The following DNAI4 variants were observed in gnomAD, a reference collection of about 807,000 sequenced individuals.
The protein encoded by DNAI4 is dynein axonemal intermediate chain 4.
DNAI4 carries 85 observed loss-of-function variants against 105.8 expected under a neutral mutation model. The ratio of observed to expected loss-of-function variants is 0.80; its 90% CI spans 0.67 to 0.96. The LOEUF (loss-of-function observed/expected upper bound fraction) is 0.96. DNAI4 is among the 40% of genes least tolerant of loss of function. DNAI4 has a pLI of 0.00. For missense variants in DNAI4, 1,014 were observed against 1,005.6 expected (o/e 1.01, Z -0.11); for synonymous variants, 352 against 331.5 (o/e 1.06, Z -0.67).
chr1:66,860,045 A>G (rs1646591679), intron 7 of DNAI4, among the ~76,000 whole-genome samples: 1 of 151,600 alleles, frequency 6.6e-6, no homozygotes. Flanking sequence ...AAATATTAAT[A>G]ATAGGGGCCA....
chr1:66,862,409 T>A, intron 6 of DNAI4, 107 bp from the exon 7 acceptor site: 1 of 1,223,092 alleles, frequency 8.2e-7, no homozygotes, highest in Non-Finnish European at 1.1e-6. Flanking sequence ...TATCTACTAT[T>A]GCCTGATGCA....
rs1488056928 is a variant in DNAI4, at chr1:66,847,513, G to C, written c.1262C>G (p.Ala421Gly). ...TAAAACAGGAAGCTGACGATAAGCTGCAAGTTTGGGCTGAAATATATTTTC... is the reference window on the plus strand; with the variant it reads ...TAAAACAGGAAGCTGACGATAAGCTCCAAGTTTGGGCTGAAATATATTTTC... ...LMENIFQPKL[A>G]AYRQLPVLKE... The change falls in exon 8 of 17, where the codon GCA becomes GGA. Residue 421 changes from alanine to glycine, a missense_variant. Ala to Gly is a moderately conservative substitution (Grantham distance 60). Transcript: ENST00000371026. The C allele has an allele frequency of 6.2e-7, 1 of 1,612,928 alleles. No homozygotes were observed. Among genetic ancestry groups the C allele is most frequent in the African/African-American group, 1.3e-5 (1 of 74,826 alleles).
intron 4 of DNAI4, among the ~76,000 whole-genome samples, chr1:66,878,785 TG>T (rs1194753933): frequency 6.6e-6 from 1 of 152,186 alleles, no homozygotes; most frequent in Non-Finnish European, 1.5e-5. Flanking sequence ...AATCCCAGTA[TG>T]CATGTACAAT....
chr1:66,893,083 A>AAGAAAGAGAG, intron 3 of DNAI4, 146 bp downstream of exon 3: 1 of 392,198 alleles, frequency 2.5e-6, no homozygotes, highest in African/African-American at 2.2e-5. Flanking sequence ...GAAAGAAAGA[A>AAGAAAGAGAG]AGAAAGAAAG....
At chr1:66,821,337 G>A (rs1024150226) in intron 16 of DNAI4, among the ~76,000 whole-genome samples, 2 of 151,984 alleles carry the variant, frequency 1.3e-5, no homozygotes, top group African/African-American at 4.8e-5. Context: ...GACCTCAAGT[G>A]ATGCACCTGC....
At chr1:66,900,388 A>C (rs1372339544) in intron 2 of DNAI4, among the ~76,000 whole-genome samples, 1 of 152,168 alleles carries the variant, frequency 6.6e-6, no homozygotes, top group African/African-American at 2.4e-5. Context: ...GGTGTGAGCC[A>C]CCGCGCCTGG....
chr1:66,834,157 G>A lies in DNAI4; in HGVS notation c.1734-9C>T. ...GTTTTTGAGGTGATTCACTAAAACAGTAAAAAAAATACTAAACATATAATC... is the reference window on the plus strand; with the variant it reads ...GTTTTTGAGGTGATTCACTAAAACAATAAAAAAAATACTAAACATATAATC... On this transcript the variant is annotated splice_polypyrimidine_tract_variant and intron_variant, in intron 11 of 16. Transcript: ENST00000371026. 6.3e-7 allele frequency: 1 copy of A among 1,583,532 alleles called. No individual in the cohort carries two copies. Among genetic ancestry groups the A allele is most frequent in the Non-Finnish European group, 8.6e-7 (1 of 1,168,528 alleles).
chr1:66,876,390 T>C (rs1387266546), intron 4 of DNAI4, among the ~76,000 whole-genome samples: 2 of 152,190 alleles, frequency 1.3e-5, no homozygotes, highest in African/African-American at 4.8e-5. Context: ...AACTTCAAAG[T>C]AACATTGTGG....
At chr1:66,825,177 T>C (rs2100355786) in intron 15 of DNAI4, among the ~76,000 whole-genome samples, 1 of 143,624 alleles carries the variant, frequency 7.0e-6, no homozygotes, top group African/African-American at 2.6e-5. Flanking sequence ...TTTTTTTTTT[T>C]TTTTTTTTTT....
intron 2 of DNAI4, among the ~76,000 whole-genome samples, chr1:66,895,050 TTG>T (rs1648195512): frequency 6.6e-6 from 1 of 152,236 alleles, no homozygotes; most frequent in Non-Finnish European, 1.5e-5. Context: ...ATATCTCCTT[TTG>T]TTTTGGTCCT....
In DNAI4 at chr1:66,813,952, G is replaced by T; in HGVS notation, c.*178C>A. 1.9e-6 allele frequency: 1 copy of T among 525,770 alleles called. No individual in the cohort carries two copies. Among genetic ancestry groups the T allele is most frequent in the Non-Finnish European group, 3.3e-6 (1 of 305,436 alleles). 32.6% of individuals were successfully genotyped at this position (525,770 alleles called of 1,614,324 possible). A position where few individuals can be genotyped will look rare whatever the true frequency, so the allele number is the denominator to read the frequency against. On this transcript the variant is annotated 3_prime_UTR_variant, in exon 17 of 17. Coordinates refer to ENST00000371026, the MANE Select transcript of DNAI4 (RefSeq NM_024763.5). ...CTGAAACTCTTAAGAATAACTCTTA[G>T]ATTGTAAACTAATCAAATATCTCTG...
At chr1:66,915,992 T>G (rs1650040515) in intron 1 of DNAI4, among the ~76,000 whole-genome samples, 1 of 150,578 alleles carries the variant, frequency 6.6e-6, no homozygotes, top group Non-Finnish European at 1.5e-5. Flanking sequence ...TGTGGTGGTG[T>G]GCACCTATAA....
chr1:66,854,558 C>A (rs908934234), intron 7 of DNAI4, among the ~76,000 whole-genome samples: 1 of 152,142 alleles, frequency 6.6e-6, no homozygotes, highest in African/African-American at 2.4e-5. Flanking sequence ...AATCCCAGCA[C>A]TGGGAGGCGG....
Position 66,857,004 on chromosome 1 carries a change from C to T in DNAI4, c.1096+5143G>A, listed in dbSNP as rs556779459. Among the ~76,000 whole-genome samples, 27 of 151,838 alleles carry T rather than the reference C, an allele frequency of 1.8e-4. 1 individual carries two copies. The highest frequency in any genetic ancestry group is 6.3e-4 in the African/African-American group (26 of 41,376). ...GAAATCAATGACATCAAAAACAAAA[C>T]ATCATTAGAGAAAATTAATAAAATC... On this transcript the variant is annotated intron_variant, in intron 7 of 16. Transcript: ENST00000371026.
Position 66,813,353 on chromosome 1 carries a change from T to C in DNAI4, c.*777A>G, listed in dbSNP as rs1366246851. On this transcript the variant is annotated 3_prime_UTR_variant, in exon 17 of 17. Coordinates refer to ENST00000371026, the MANE Select transcript of DNAI4 (RefSeq NM_024763.5). ...ACTGCTCCCCATCTCCACCCCGATT[T>C]CCGCAACCTTGCTCTAGAACTCTTC... 2 of 152,304 alleles carry C rather than the reference T, an allele frequency of 1.3e-5. No individual in the cohort carries two copies. Among genetic ancestry groups the C allele is most frequent in the African/African-American group, 4.8e-5 (2 of 41,414 alleles). The allele number at this position is 152,304 out of a possible 1,614,324, so 9.4% of individuals were successfully genotyped here. A position where few individuals can be genotyped will look rare whatever the true frequency, so the allele number is the denominator to read the frequency against.
intron 7 of DNAI4, among the ~76,000 whole-genome samples, chr1:66,854,150 G>GT (rs1646452046): frequency 6.6e-6 from 1 of 152,198 alleles, no homozygotes; most frequent in South Asian, 2.1e-4. Context: ...CCAGCACTTT[G>GT]TAAGGCCAAG....
intron 4 of DNAI4, among the ~76,000 whole-genome samples, chr1:66,876,026 T>G (rs1646951542): frequency 6.6e-6 from 1 of 152,060 alleles, no homozygotes; most frequent in African/African-American, 2.4e-5. Flanking sequence ...AACAGAAAAT[T>G]TTAAGTTGCA....
chr1:66,874,442 T>C lies in DNAI4; in HGVS notation c.800+339A>G, dbSNP rs150555109. ...TTCTTTCTTTTTAAATTGAAAATGA[T>C]TTATATATGTATAAAAGTAAAAATA... On this transcript the variant is annotated intron_variant, in intron 5 of 16. Coordinates refer to ENST00000371026, the MANE Select transcript of DNAI4 (RefSeq NM_024763.5). 1.5e-3 allele frequency among the ~76,000 whole-genome samples: 222 copies of C among 152,252 alleles called. 2 individuals carry two copies. Among genetic ancestry groups the C allele is most frequent in the African/African-American group, 4.9e-3 (203 of 41,568 alleles).
chr1:66,899,456 G>T (rs1288886040), intron 2 of DNAI4, among the ~76,000 whole-genome samples: 1 of 152,102 alleles, frequency 6.6e-6, no homozygotes, highest in African/African-American at 2.4e-5. Context: ...TTAATGAATT[G>T]TAAGAGTTCT....
Sources: gnomAD v4.1 joint callset for allele counts (sites outside exome capture counted in the v4.1 genomes callset) on GRCh38, gnomAD v4.1.1 for gene constraint, MANE v1.5 for transcripts, NCBI Gene and HGNC (gene_info 2026-07-23, HGNC 2026-07-21) for gene names.